The following TAFA2 variants were observed in gnomAD, a reference collection of about 807,000 sequenced individuals.
The protein encoded by TAFA2 is TAFA chemokine like family member 2.
Under a neutral mutation model 18.8 loss-of-function variants are expected in TAFA2, and 7 were observed. That is an observed-to-expected ratio of 0.37 (90% CI 0.21 to 0.70). The LOEUF is 0.70. TAFA2 is among the 30% of genes least tolerant of loss of function. The pLI is 0.53. For synonymous variants in TAFA2, 60 were observed against 54.2 expected, an observed-to-expected ratio of 1.11 and a Z score of -0.47; for missense variants, 122 against 158.1, an observed-to-expected ratio of 0.77 and a Z score of 1.23.
chr12:61,807,289 C>G (rs1355603156), intron 2 of TAFA2, among the ~76,000 whole-genome samples: 1 of 151,280 alleles, frequency 6.6e-6, no homozygotes, highest in Non-Finnish European at 1.5e-5. Context: ...TCAGAGGGTG[C>G]AAGCCTCAAG....
intron 2 of TAFA2, among the ~76,000 whole-genome samples, chr12:61,761,384 A>C (rs2120792019): frequency 6.6e-6 from 1 of 152,184 alleles, no homozygotes; most frequent in East Asian, 1.9e-4. Context: ...TCACTTGTGA[A>C]CCAACCATAA....
intron 1 of TAFA2, among the ~76,000 whole-genome samples, chr12:62,052,551 A>G (rs1348401904): frequency 1.3e-5 from 2 of 152,002 alleles, no homozygotes; most frequent in Non-Finnish European, 2.9e-5. Flanking sequence ...TTTATATATT[A>G]ATATTTTATT....
At chr12:61,814,779 G>A (rs753327707) in intron 2 of TAFA2, among the ~76,000 whole-genome samples, 5 of 151,336 alleles carry the variant, frequency 3.3e-5, no homozygotes, top group East Asian at 1.9e-4. Context: ...GTCAGAGTCC[G>A]AAAAGGCAAT....
intron 1 of TAFA2, among the ~76,000 whole-genome samples, chr12:62,225,125 G>A (rs2062780625): frequency 6.6e-6 from 1 of 152,040 alleles, no homozygotes; most frequent in South Asian, 2.1e-4. Context: ...AGTTGGTGGG[G>A]ATGGTGGCGG....
chr12:62,080,631 ATAATGTAGTGTGCATCTAT>A (rs1868304293), intron 1 of TAFA2, among the ~76,000 whole-genome samples: 1 of 152,226 alleles, frequency 6.6e-6, no homozygotes, highest in Admixed American at 6.5e-5. Context: ...AAATCTATAC[ATAATGTAGTGTGCATCTAT>A]TAAATCCCTG....
At chr12:62,074,698 A>ATT (rs67195424) in intron 1 of TAFA2, among the ~76,000 whole-genome samples, 98 of 137,670 alleles carry the variant, frequency 7.1e-4, no homozygotes, top group African/African-American at 2.1e-3. Context: ...AACTACATGA[A>ATT]TTTTTTTTTT....
chr12:62,197,194 A>AG (rs1236237619), upstream of TAFA2, among the ~76,000 whole-genome samples: 2 of 152,208 alleles, frequency 1.3e-5, no homozygotes, highest in Non-Finnish European at 2.9e-5. Flanking sequence ...ATTGAAAAAA[A>AG]TTGTCCTCCA....
At chr12:61,989,303 A>G (rs1249056764) in intron 1 of TAFA2, among the ~76,000 whole-genome samples, 2 of 152,182 alleles carry the variant, frequency 1.3e-5, no homozygotes, top group African/African-American at 4.8e-5. Context: ...CATCTGCCCT[A>G]TACAAACATG....
chr12:62,197,220 G>A (rs950287090), upstream of TAFA2, among the ~76,000 whole-genome samples: 1 of 152,198 alleles, frequency 6.6e-6, no homozygotes, highest in Non-Finnish European at 1.5e-5. Flanking sequence ...CCGGTCCCTG[G>A]TGCTGAAAAG....
chr12:61,989,808 A>T (rs1045321824), intron 1 of TAFA2, among the ~76,000 whole-genome samples: 1 of 152,206 alleles, frequency 6.6e-6, no homozygotes, highest in African/African-American at 2.4e-5. Context: ...AGGAAACGAT[A>T]CCAATTACCC....
chr12:62,179,160 T>C (rs548941034), intron 1 of TAFA2, among the ~76,000 whole-genome samples: 1 of 152,352 alleles, frequency 6.6e-6, no homozygotes, highest in Admixed American at 6.5e-5. Context: ...AAAAATTATT[T>C]AGAATTTTTA....
intron 1 of TAFA2, among the ~76,000 whole-genome samples, chr12:62,209,966 C>T (rs925959770): frequency 2.6e-5 from 4 of 152,050 alleles, no homozygotes; most frequent in African/African-American, 9.7e-5. Flanking sequence ...CTTGGGAGGC[C>T]GAGGGAGGCA....
intron 1 of TAFA2, among the ~76,000 whole-genome samples, chr12:61,877,796 T>C (rs1199205158): frequency 1.3e-5 from 2 of 152,044 alleles, no homozygotes; most frequent in Non-Finnish European, 2.9e-5. Flanking sequence ...CAATGTACAA[T>C]GGACATGAGA....
chr12:62,166,934 C>T (rs1442869380), intron 1 of TAFA2, among the ~76,000 whole-genome samples: 3 of 151,922 alleles, frequency 2.0e-5, no homozygotes, highest in African/African-American at 7.3e-5. Flanking sequence ...TTTGACAAAC[C>T]CAAATGTATG....
intron 1 of TAFA2, among the ~76,000 whole-genome samples, chr12:62,181,376 T>C (rs1199616192): frequency 1.3e-5 from 2 of 152,210 alleles, no homozygotes; most frequent in African/African-American, 2.4e-5. Context: ...AAATGAGATA[T>C]ACATGGGTCT....
intron 2 of TAFA2, among the ~76,000 whole-genome samples, chr12:61,790,808 T>A (rs1309701701): frequency 6.6e-6 from 1 of 151,770 alleles, no homozygotes; most frequent in Non-Finnish European, 1.5e-5. Flanking sequence ...TCTATAGATT[T>A]AGTGCAATTT....
intron 1 of TAFA2, among the ~76,000 whole-genome samples, chr12:62,039,182 T>C (rs1435076152): frequency 6.6e-6 from 1 of 152,190 alleles, no homozygotes; most frequent in Admixed American, 6.5e-5. Context: ...CATTCATCCA[T>C]TGGTTTGTAA....
intron 1 of TAFA2, among the ~76,000 whole-genome samples, chr12:61,939,243 G>A (rs936225616): frequency 9.2e-5 from 14 of 152,272 alleles, no homozygotes; most frequent in Admixed American, 4.6e-4. Context: ...TGAGATTTGT[G>A]TGTGGCTAGA....
At chr12:61,917,136 G>C (rs765023323) in intron 1 of TAFA2, among the ~76,000 whole-genome samples, 3 of 152,196 alleles carry the variant, frequency 2.0e-5, no homozygotes, top group Admixed American at 6.6e-5. Context: ...AGGGATAACT[G>C]TCAGGAGAGC....
Sources: gnomAD v4.1 joint callset for allele counts (sites outside exome capture counted in the v4.1 genomes callset) on GRCh38, gnomAD v4.1.1 for gene constraint, MANE v1.5 for transcripts, NCBI Gene and HGNC (gene_info 2026-07-23, HGNC 2026-07-21) for gene names.